IBTK: variants seen among roughly 807,000 people sequenced by gnomAD.
IBTK encodes the protein inhibitor of Bruton tyrosine kinase.
IBTK carries 83 observed loss-of-function variants against 154.9 expected under a neutral mutation model. The observed-to-expected ratio is 0.54, with a 90% CI of 0.45 to 0.64. IBTK has a LOEUF of 0.64. Ranked by LOEUF, IBTK falls within the 30% of genes least tolerant of loss-of-function variation. The probability of loss-of-function intolerance (pLI) is 0.00; values close to 1 mark genes in which losing one functional copy is unlikely to be tolerated. For missense variants in IBTK, 1,332 were observed against 1,584.6 expected (o/e 0.84, Z 2.71); for synonymous variants, 515 against 536.1 (o/e 0.96, Z 0.54).
At chr6:82,172,204 A>G (rs1767945316) in intron 28 of IBTK, among the ~76,000 whole-genome samples, 176 bp downstream of exon 28, 1 of 152,218 alleles carries the variant, frequency 6.6e-6, no homozygotes, top group Admixed American at 6.5e-5. Flanking sequence ...ATTGCCCTGA[A>G]TATCTACAAC....
chr6:82,175,262 G>C (rs1317104193), intron 26 of IBTK, among the ~76,000 whole-genome samples: 1 of 152,096 alleles, frequency 6.6e-6, no homozygotes, highest in African/African-American at 2.4e-5. Context: ...TTAAATTACT[G>C]ATAACTTTTC....
intron 12 of IBTK, 98 bp downstream of exon 12, chr6:82,214,129 G>T (rs1769767325): frequency 8.3e-7 from 1 of 1,211,896 alleles, no homozygotes; most frequent in Non-Finnish European, 1.2e-6. Context: ...CTAATTTTTT[G>T]TATTTTTAGT....
Position 82,191,117 on chromosome 6 carries a change from T to G in IBTK, c.3531A>C (p.Thr1177=). 1 of 1,601,358 alleles carries G rather than the reference T, an allele frequency of 6.2e-7. No individual in the cohort carries two copies. The highest frequency in any genetic ancestry group is 8.5e-7 in the Non-Finnish European group (1 of 1,172,852). The change falls in exon 25 of 29, where the codon ACA becomes ACC. Residue 1177 remains threonine (T), a synonymous_variant. Coordinates refer to ENST00000306270, the MANE Select transcript of IBTK (RefSeq NM_015525.4). Reference sequence around the variant, plus strand: ...GGGCTTTTGAAGGAGTGAATAAAACTGTTTCCATGCTATTCATTCCTGAAT... The same window carrying G: ...GGGCTTTTGAAGGAGTGAATAAAACGGTTTCCATGCTATTCATTCCTGAAT... ...ENNSGMNSME[T]VLFTPSKAPK... is the part of the protein sequence containing the mutation.
At chr6:82,173,316 G>C in intron 27 of IBTK, 51 bp downstream of exon 27, 4 of 1,350,634 alleles carry the variant, frequency 3.0e-6, no homozygotes, top group African/African-American at 1.4e-5. Context: ...TGTTTTCAAT[G>C]CTAAGCAGCA....
At chr6:82,191,327 G>A in intron 24 of IBTK, 111 bp from the exon 25 acceptor site, 1 of 799,334 alleles carries the variant, frequency 1.3e-6, no homozygotes, top group Non-Finnish European at 2.0e-6. Flanking sequence ...GCTTAATAAA[G>A]GTTACTGGTA....
At chr6:82,241,398 A>G (rs756370876) in intron 1 of IBTK, among the ~76,000 whole-genome samples, 8 of 152,216 alleles carry the variant, frequency 5.3e-5, no homozygotes, top group Non-Finnish European at 8.8e-5. Flanking sequence ...CGTTTTTACT[A>G]AGTACCCAGG....
At chr6:82,228,680 G>A (rs1012399574) in intron 4 of IBTK, among the ~76,000 whole-genome samples, 4 of 150,892 alleles carry the variant, frequency 2.7e-5, no homozygotes, top group African/African-American at 9.8e-5. Context: ...GGAGTGCAGT[G>A]GCGCCATCTC....
At chr6:82,243,073 C>G (rs1018410300) in intron 1 of IBTK, among the ~76,000 whole-genome samples, 9 of 151,834 alleles carry the variant, frequency 5.9e-5, no homozygotes, top group African/African-American at 2.2e-4. Flanking sequence ...AACCTCGTCT[C>G]TACTAAAAAT....
chr6:82,201,658 T>C (rs1175131649), intron 18 of IBTK, among the ~76,000 whole-genome samples, 176 bp from the exon 19 acceptor site: 1 of 152,220 alleles, frequency 6.6e-6, no homozygotes, highest in Non-Finnish European at 1.5e-5. Flanking sequence ...GTATATTACA[T>C]ATTTCAAATA....
chr6:82,211,041 A>G, intron 15 of IBTK, 131 bp from the exon 16 acceptor site: 1 of 477,888 alleles, frequency 2.1e-6, no homozygotes, highest in Non-Finnish European at 3.6e-6. Context: ...TAAAATTTAC[A>G]AAACACATGG....
In IBTK at chr6:82,247,617, A is replaced by G. The variant is rs955240068; in HGVS notation, c.-413T>C. 3.8e-5 allele frequency: 15 copies of G among 398,748 alleles called. No individual in the cohort carries two copies. The highest frequency in any genetic ancestry group is 2.7e-4 in the African/African-American group (13 of 48,766). The allele number at this position is 398,748 out of a possible 1,614,324, so 24.7% of individuals were successfully genotyped here. On this transcript the variant is annotated 5_prime_UTR_variant, in exon 1 of 29. Coordinates refer to ENST00000306270, the MANE Select transcript of IBTK (RefSeq NM_015525.4). ...TCCGCAGGGTCCACATAGAGCCACAAAGGGACTCATCCTCAGTGAAGGCAA... is the reference window on the plus strand; with the variant it reads ...TCCGCAGGGTCCACATAGAGCCACAGAGGGACTCATCCTCAGTGAAGGCAA...
In IBTK at chr6:82,202,604, T is replaced by C. The variant is rs1323502890; in HGVS notation, c.2653A>G (p.Met885Val). Reference protein sequence around the residue: ...NAAMLLEFAAMYSAKQLKLSC... With the variant: ...NAAMLLEFAAVYSAKQLKLSC... ...AGTTTCAACTGTTTTGCACTATACA[T>C]TGCTGCAAATTCCAGTAGCATAGCA... The change falls in exon 18 of 29, where the codon ATG becomes GTG. Residue 885 changes from methionine (M) to valine (V), a missense_variant. Met to Val is a conservative substitution (Grantham distance 21). Transcript: ENST00000306270. 1 of 1,608,616 alleles carries C rather than the reference T, an allele frequency of 6.2e-7. No homozygotes were observed. Among genetic ancestry groups the C allele is most frequent in the South Asian group, 1.1e-5 (1 of 89,938 alleles).
chr6:82,237,449 GGA>G (rs1770758496), intron 2 of IBTK, among the ~76,000 whole-genome samples: 1 of 150,498 alleles, frequency 6.6e-6, no homozygotes, highest in Non-Finnish European at 1.5e-5. Context: ...TCCCTGGGGG[GGA>G]AAAAAAAAGG....
intron 10 of IBTK, 138 bp downstream of exon 10, chr6:82,217,822 A>C (rs755774362): frequency 3.1e-5 from 16 of 521,436 alleles, no homozygotes; most frequent in Non-Finnish European, 4.9e-5. Context: ...CTAATAGGAA[A>C]CAGGCATTAA....
chr6:82,193,521 A>C (rs567033899), intron 23 of IBTK, among the ~76,000 whole-genome samples: 1 of 152,306 alleles, frequency 6.6e-6, no homozygotes, highest in African/African-American at 2.4e-5. Flanking sequence ...ACTCTGCAAA[A>C]TATAGCCTAT....
rs576269126 is a variant in IBTK, at chr6:82,201,606, T to C, written c.2730-124A>G. ...ACAAAGTTATTTTTTAAGCATTATA[T>C]ATAGCAGTTGCTACAAATTCCTTTT... On this transcript the variant is annotated intron_variant, in intron 18 of 28. Coordinates refer to ENST00000306270, the MANE Select transcript of IBTK (RefSeq NM_015525.4). The C allele has an allele frequency of 1.1e-4, 62 of 553,384 alleles. No individual in the cohort carries two copies. The South Asian group carries it at 1.9e-3, about 17-fold the overall frequency. The allele number at this position is 553,384 out of a possible 1,614,324, so 34.3% of individuals were successfully genotyped here.
Position 82,181,919 on chromosome 6 carries a change from A to G in IBTK, c.3685T>C (p.Phe1229Leu). The G allele has an allele frequency of 6.3e-7, 1 of 1,589,524 alleles. No homozygotes were observed. The highest frequency in any genetic ancestry group is 8.5e-7 in the Non-Finnish European group (1 of 1,174,562). ...SSGDHVKKVS[F>L]KGIENSQAPK... ...GCCTGAGAATTTTCAATTCCTTTAA[A>G]AGAAACTTTTTTGACATGATCGCCT... The change falls in exon 26 of 29, where the codon TTT becomes CTT. Residue 1229 changes from phenylalanine to leucine, a missense_variant. This residue lies in a region of IBTK where 1,134 missense variants were observed against 1,274.7 expected (regional missense o/e 0.89). Transcript: ENST00000306270.
At chr6:82,201,035 T>G (rs185098144) in intron 19 of IBTK, among the ~76,000 whole-genome samples, 71 of 152,208 alleles carry the variant, frequency 4.7e-4, no homozygotes, top group African/African-American at 1.6e-3. Context: ...CAATAAAAAC[T>G]TTATTCCATA....
At chr6:82,190,583 G>A (rs1026012326) in intron 25 of IBTK, among the ~76,000 whole-genome samples, 2 of 152,074 alleles carry the variant, frequency 1.3e-5, no homozygotes, top group Admixed American at 1.3e-4. Flanking sequence ...ATTAAGTAAG[G>A]AGCAGTGTTT....
Sources: gnomAD v4.1 joint callset for allele counts (sites outside exome capture counted in the v4.1 genomes callset) on GRCh38, gnomAD v4.1.1 for gene constraint, gnomAD v4.1.1 regional missense constraint, MANE v1.5 for transcripts, NCBI Gene and HGNC (gene_info 2026-07-23, HGNC 2026-07-21) for gene names.